Variants in PRPF6 observed in about 807,000 individuals in gnomAD.
PRPF6 encodes pre-mRNA-processing factor 6.
In PRPF6, 42 loss-of-function variants were observed where a neutral mutation model predicts 118.3. The ratio of observed to expected loss-of-function variants is 0.35; its 90% CI spans 0.28 to 0.46. The LOEUF is 0.46. PRPF6 is among the 20% of genes least tolerant of loss of function. The probability of loss-of-function intolerance (pLI) is 1.00; values close to 1 mark genes in which losing one functional copy is unlikely to be tolerated. For missense variants in PRPF6, 662 were observed against 1,255.7 expected (o/e 0.53, Z 7.15); for synonymous variants, 481 against 485.1 (o/e 0.99, Z 0.11).
At chr20:63,982,995 A>G in intron 1 of PRPF6, 52 bp from the exon 2 acceptor site, 1 of 1,599,200 alleles carries the variant, frequency 6.3e-7, no homozygotes. Context: ...AGTGGAGAAG[A>G]GCACAGGAAC....
intron 3 of PRPF6, among the ~76,000 whole-genome samples, chr20:63,989,780 T>C (rs2059110567): frequency 6.6e-6 from 1 of 152,180 alleles, no homozygotes; most frequent in Admixed American, 6.6e-5. Flanking sequence ...CCCAAAGTGC[T>C]GGGATTACAG....
chr20:64,030,388 G>A (rs915771331), intron 19 of PRPF6, among the ~76,000 whole-genome samples: 2 of 152,318 alleles, frequency 1.3e-5, no homozygotes. Flanking sequence ...GTCATGCAGA[G>A]ACAACAGCCT....
chr20:64,020,310 G>A (rs1055290826), intron 12 of PRPF6, among the ~76,000 whole-genome samples: 69 of 152,166 alleles, frequency 4.5e-4, no homozygotes, highest in Non-Finnish European at 1.2e-4. Context: ...CAGCTACTTG[G>A]GAGGCTGAGG....
chr20:64,018,873 A>G (rs1468181442), intron 12 of PRPF6, among the ~76,000 whole-genome samples: 1 of 152,058 alleles, frequency 6.6e-6, no homozygotes, highest in Non-Finnish European at 1.5e-5. Flanking sequence ...ACTTCCTTCC[A>G]TCTGGATTGG....
intron 5 of PRPF6, 113 bp downstream of exon 5, chr20:63,995,205 C>T (rs148065448): frequency 7.6e-6 from 12 of 1,578,898 alleles, no homozygotes; most frequent in East Asian, 4.5e-5. Context: ...ATGCTGTGGC[C>T]GAGTCTGTCT....
In PRPF6 at chr20:64,023,079, A is replaced by G. The variant is rs538840186; in HGVS notation, c.1769+201A>G. The stretch of plus-strand genomic sequence containing the variant: ...CTTTATAGCCCCTTCTGGGACAGCA[A>G]TGATACCATTTTCTAGCTGAGAAAC... On this transcript the variant is annotated intron_variant, in intron 13 of 20. Coordinates refer to ENST00000266079, the MANE Select transcript of PRPF6 (RefSeq NM_012469.4). Among the ~76,000 whole-genome samples the G allele has an allele frequency of 3.9e-5, 6 of 152,318 alleles. No homozygotes were observed. In the East Asian group the frequency reaches 5.8e-4, roughly 15 times the overall value.
rs373251428 is a variant in PRPF6 at position 63,998,668 on chromosome 20, C to T, written c.772-377C>T. Among the ~76,000 whole-genome samples, 15 of 151,316 alleles carry T rather than the reference C, an allele frequency of 9.9e-5. No individual in the cohort carries two copies. In the East Asian group the frequency reaches 1.0e-3, roughly 10 times the overall value. On this transcript the variant is annotated intron_variant, in intron 6 of 20. Transcript: ENST00000266079. ...CATCCTGGCTAACACGGTGAAACCC[C>T]GTCTCTACTAAAAATACAAAAAAAT...
chr20:64,005,863 T>C (rs558908691), intron 9 of PRPF6, among the ~76,000 whole-genome samples: 2 of 152,254 alleles, frequency 1.3e-5, no homozygotes, highest in East Asian at 3.9e-4. Flanking sequence ...GCTTCCTGAA[T>C]AGCTGGGACT....
At chr20:64,015,707 A>G (rs1364057925) in intron 11 of PRPF6, among the ~76,000 whole-genome samples, 2 of 152,196 alleles carry the variant, frequency 1.3e-5, no homozygotes, top group African/African-American at 4.8e-5. Context: ...CTCCATAGAG[A>G]TATGTGCTTC....
intron 12 of PRPF6, among the ~76,000 whole-genome samples, chr20:64,020,371 G>A (rs1219335905): frequency 2.0e-5 from 3 of 152,124 alleles, no homozygotes; most frequent in South Asian, 2.1e-4. Context: ...AGCTGAGATC[G>A]CGCCACTGCA....
At chr20:63,988,726 G>T (rs1432487784) in intron 3 of PRPF6, among the ~76,000 whole-genome samples, 1 of 151,762 alleles carries the variant, frequency 6.6e-6, no homozygotes, top group Non-Finnish European at 1.5e-5. Flanking sequence ...AAAATTAGTT[G>T]GGCATGGTGA....
At chr20:64,001,645 A>G (rs1273009690) in intron 9 of PRPF6, among the ~76,000 whole-genome samples, 2 of 152,086 alleles carry the variant, frequency 1.3e-5, no homozygotes, top group East Asian at 3.8e-4. Flanking sequence ...GGTGTTACTC[A>G]TTTTCTCTCC....
At chr20:64,030,011 A>G (rs1288080317) in intron 19 of PRPF6, among the ~76,000 whole-genome samples, 1 of 152,140 alleles carries the variant, frequency 6.6e-6, no homozygotes, top group Non-Finnish European at 1.5e-5. Flanking sequence ...TGGGTCAGAG[A>G]CTCACTGGGG....
intron 19 of PRPF6, 136 bp from the exon 20 acceptor site, chr20:64,031,782 G>T: frequency 1.7e-6 from 2 of 1,193,640 alleles, no homozygotes; most frequent in South Asian, 1.2e-5. Context: ...CCGAGGCCCT[G>T]ATCCTCAGGC....
chr20:64,006,335 G>A (rs970659085), intron 9 of PRPF6, among the ~76,000 whole-genome samples: 1 of 77,846 alleles, frequency 1.3e-5, no homozygotes, highest in Non-Finnish European at 2.6e-5. Flanking sequence ...TTTTTTTTTT[G>A]AGACTGAGTC....
Position 64,029,428 on chromosome 20 carries a change from C to A in PRPF6, c.2483C>A (p.Thr828Asn). The A allele has an allele frequency of 6.2e-7, 1 of 1,614,236 alleles. No individual in the cohort carries two copies. Among genetic ancestry groups the A allele is most frequent in the Non-Finnish European group, 8.5e-7 (1 of 1,180,054 alleles). Residue 828 changes from threonine to asparagine, a missense_variant, in exon 19 of 21, where the codon ACC (threonine) becomes AAC (asparagine). Transcript: ENST00000266079. The surrounding 1 kb of genome is among the most constrained non-coding windows in gnomAD (Gnocchi z 4.8). Reference sequence around the variant, plus strand: ...CTCGAGGCAAGGCCCCAGAGGAGGACCAAGAGCGTGGATGCCCTGAAGAAG... The same window carrying A: ...CTCGAGGCAAGGCCCCAGAGGAGGAACAAGAGCGTGGATGCCCTGAAGAAG... ...IFLEARPQRR[T>N]KSVDALKKCE...
chr20:64,017,019 T>G (rs1228792690), intron 12 of PRPF6, among the ~76,000 whole-genome samples, 174 bp downstream of exon 12: 1 of 152,058 alleles, frequency 6.6e-6, no homozygotes, highest in Non-Finnish European at 1.5e-5. Flanking sequence ...CTCAGCTCAC[T>G]ACAACCTCCA....
chr20:63,991,588 G>A (rs899748645), intron 3 of PRPF6, among the ~76,000 whole-genome samples: 4 of 152,118 alleles, frequency 2.6e-5, no homozygotes, highest in South Asian at 2.1e-4. Flanking sequence ...TCAGGAGATC[G>A]AGACCATCCT....
chr20:64,024,489 G>T, intron 13 of PRPF6, 66 bp from the exon 14 acceptor site: 2 of 1,600,002 alleles, frequency 1.3e-6, no homozygotes, highest in Admixed American at 3.3e-5. Flanking sequence ...CCACGCCATG[G>T]CTGAGTGTGA....
Sources: gnomAD v4.1 joint callset for allele counts (sites outside exome capture counted in the v4.1 genomes callset) on GRCh38, gnomAD v4.1.1 for gene constraint, Gnocchi (gnomAD v3.1) non-coding constraint, MANE v1.5 for transcripts, NCBI Gene and HGNC (gene_info 2026-07-23, HGNC 2026-07-21) for gene names.